Variants in FOXF1 observed in about 807,000 individuals in gnomAD.
FOXF1 encodes the protein forkhead box F1.
Under a neutral mutation model 26.6 loss-of-function variants are expected in FOXF1, and 9 were observed. The ratio of observed to expected loss-of-function variants is 0.34; its 90% CI spans 0.20 to 0.59. The LOEUF is 0.59. Among genes scored for constraint, FOXF1 ranks in the 20% least tolerant of loss-of-function variants. FOXF1 has a pLI of 0.83. For missense variants in FOXF1, 499 were observed against 549.9 expected (o/e 0.91, Z 0.93); for synonymous variants, 330 against 257.7 (o/e 1.28, Z -2.69).
chr16:86,511,420 A>G lies in FOXF1; in HGVS notation c.851A>G (p.Tyr284Cys). 1 of 1,594,140 alleles carries G rather than the reference A, an allele frequency of 6.3e-7. No individual in the cohort carries two copies. The highest frequency in any genetic ancestry group is 2.2e-5 in the East Asian group (1 of 44,662). The part of the protein sequence containing the change: ...ASAALNSGAS[Y>C]IKQQPLSPCN... ...GCGGCGCTCAACAGCGGCGCCTCTT[A>G]TATCAAGCAGCAGCCCCTGTCCCCC... is the stretch of plus-strand genomic sequence containing the variant. The change falls in exon 1 of 2, where the codon TAT becomes TGT. Residue 284 changes from tyrosine (Y) to cysteine (C), a missense_variant. Physicochemically the swap from Tyr to Cys is radical, Grantham distance 194. This residue lies in a region of FOXF1 where 367 missense variants were observed against 324.8 expected (regional missense o/e 1.13). Transcript: ENST00000262426.
At chr16:86,511,570 G>T in intron 1 of FOXF1, 22 bp downstream of exon 1, 1 of 1,568,308 alleles carries the variant, frequency 6.4e-7, no homozygotes, top group Non-Finnish European at 8.6e-7. Context: ...GGCCGAGGGC[G>T]CCCTGGTCCC....
rs927055364 is a variant in FOXF1, at chr16:86,510,941, C to G, written c.372C>G (p.Ile124Met). The change falls in exon 1 of 2, where the codon ATC becomes ATG. Residue 124 changes from isoleucine to methionine, a missense_variant. Coordinates refer to ENST00000262426, the MANE Select transcript of FOXF1 (RefSeq NM_001451.3). ...GRPGKGHYWTIDPASEFMFEE... is the reference protein window; with the variant it reads ...GRPGKGHYWTMDPASEFMFEE... The stretch of plus-strand genomic sequence containing the variant: ...CCGGCAAGGGCCACTACTGGACCAT[C>G]GACCCGGCCAGCGAGTTCATGTTCG... 1 of 1,613,660 alleles carries G rather than the reference C, an allele frequency of 6.2e-7. No individual in the cohort carries two copies. The highest frequency in any genetic ancestry group is 8.5e-7 in the Non-Finnish European group (1 of 1,180,032).
chr16:86,512,688 C>A (rs1302308172), intron 1 of FOXF1, among the ~76,000 whole-genome samples: 1 of 147,062 alleles, frequency 6.8e-6, no homozygotes, highest in Non-Finnish European at 1.5e-5. Flanking sequence ...GACAGGCACG[C>A]AGCAGGCAGG....
Position 86,510,539 on chromosome 16 carries a change from C to T in FOXF1, c.-31C>T, listed in dbSNP as rs1313678512. ...GCCCGTCCGCGGCGCAGAGCAGCGG[C>T]GGCAGCGGCGGCGGCGGCAGCAGCC... is the stretch of plus-strand genomic sequence containing the variant. On this transcript the variant is annotated 5_prime_UTR_variant, in exon 1 of 2. Transcript: ENST00000262426. The T allele has an allele frequency of 1.5e-6, 2 of 1,295,714 alleles. No homozygotes were observed. Among genetic ancestry groups the T allele is most frequent in the South Asian group, 2.4e-5 (1 of 42,038 alleles). The allele number at this position is 1,295,714 out of a possible 1,614,324, so 80.3% of individuals were successfully genotyped here.
Position 86,510,640 on chromosome 16 carries a change from C to A in FOXF1, c.71C>A (p.Ala24Glu). The change falls in exon 1 of 2, where the codon GCG becomes GAG. Residue 24 changes from alanine (A) to glutamate (E), a missense_variant. By Grantham distance (107) the Ala-to-Glu change is moderately radical. Around this residue, in one of 5 missense-constraint regions of FOXF1, gnomAD observed 76 missense variants for 78.9 expected, o/e 0.96. Transcript: ENST00000262426. The part of the protein sequence containing the change: ...GGGGGGGGGG[A>E]AMDPASSGPS... Reference sequence around the variant, plus strand: ...GGCGGCGGCGGCGGGGGAGGCGGCGCGGCCATGGACCCCGCGTCGTCCGGC... The same window carrying A: ...GGCGGCGGCGGCGGGGGAGGCGGCGAGGCCATGGACCCCGCGTCGTCCGGC... 6.9e-7 allele frequency: 1 copy of A among 1,449,030 alleles called. No homozygotes were observed. The highest frequency in any genetic ancestry group is 9.0e-7 in the Non-Finnish European group (1 of 1,110,180). The allele number at this position is 1,449,030 out of a possible 1,614,324, so 89.8% of individuals were successfully genotyped here.
intron 1 of FOXF1, among the ~76,000 whole-genome samples, chr16:86,512,544 C>T (rs758825211): frequency 6.6e-6 from 1 of 152,244 alleles, no homozygotes; most frequent in Non-Finnish European, 1.5e-5. Context: ...GCAGTCGTAG[C>T]CTCTGAGGTT....
In FOXF1 at chr16:86,513,508, C is replaced by T; in HGVS notation, c.*423C>T. The T allele has an allele frequency of 5.6e-6, 1 of 179,154 alleles. No homozygotes were observed. Among genetic ancestry groups the T allele is most frequent in the East Asian group, 1.6e-4 (1 of 6,400 alleles). The allele number at this position is 179,154 out of a possible 1,614,324, so 11.1% of individuals were successfully genotyped here. A position where few individuals can be genotyped will look rare whatever the true frequency, so the allele number is the denominator to read the frequency against. On this transcript the variant is annotated 3_prime_UTR_variant, in exon 2 of 2. Transcript: ENST00000262426. Reference sequence around the variant, plus strand: ...ATGTGAGACCAATCATTATCAAATACTTTTATTTTTTGGTTGAGTATTTAT... The same window carrying T: ...ATGTGAGACCAATCATTATCAAATATTTTTATTTTTTGGTTGAGTATTTAT...
rs763931836 is a variant in FOXF1, at chr16:86,513,001, G to A, written c.1056G>A (p.Ala352=). Residue 352 remains alanine (A), a synonymous_variant, in exon 2 of 2, where the codon GCG becomes GCA. Coordinates refer to ENST00000262426, the MANE Select transcript of FOXF1 (RefSeq NM_001451.3). ...TTGTCTTCTCTTTCAACGCCATGGC[G>A]TCCTCTTCCATGCACTCGGCCGGCG... The part of the protein sequence containing the change: ...KEFVFSFNAM[A]SSSMHSAGGG... The A allele has an allele frequency of 6.8e-6, 11 of 1,613,946 alleles. No homozygotes were observed. The highest frequency in any genetic ancestry group is 2.2e-5 in the South Asian group (2 of 91,088).
chr16:86,511,638 GTGGTCGGA>G, intron 1 of FOXF1, 90 bp downstream of exon 1: 6 of 1,528,376 alleles, frequency 3.9e-6, no homozygotes, highest in Non-Finnish European at 5.3e-6. Context: ...CTCCACTTCT[GTGGTCGGA>G]ACCCCAAGGC....
In FOXF1 at chr16:86,514,285, C is replaced by T. The variant is rs552093165; in HGVS notation, c.*1200C>T. 1 of 150,764 alleles carries T rather than the reference C, an allele frequency of 6.6e-6. No homozygotes were observed. The highest frequency in any genetic ancestry group is 1.9e-4 in the East Asian group (1 of 5,152). The allele number at this position is 150,764 out of a possible 1,614,324, so 9.3% of individuals were successfully genotyped here. On this transcript the variant is annotated 3_prime_UTR_variant, in exon 2 of 2. Coordinates refer to ENST00000262426, the MANE Select transcript of FOXF1 (RefSeq NM_001451.3). ...TTGTATTTTGGCTGCTAGAGTGCAG[C>T]ATTTGTGACACGTATTTGAAATTTG...
chr16:86,512,825 C>T (rs540294538), intron 1 of FOXF1, 100 bp from the exon 2 acceptor site: 1 of 1,407,404 alleles, frequency 7.1e-7, no homozygotes, highest in Non-Finnish European at 1.0e-6. Flanking sequence ...GCTGACAGGC[C>T]CTGTGCGCCC....
chr16:86,511,699 C>A, intron 1 of FOXF1, 151 bp downstream of exon 1: 1 of 1,126,476 alleles, frequency 8.9e-7, no homozygotes. Flanking sequence ...TTGGCCCCAC[C>A]TCTCCCCCTT....
Position 86,510,560 on chromosome 16 carries a change from C to T in FOXF1, c.-10C>T. ...GCGGCGGCAGCGGCGGCGGCGGCAG[C>T]AGCCACCCGATGTCTTCGGCGCCCG... is the stretch of plus-strand genomic sequence containing the variant. On this transcript the variant is annotated 5_prime_UTR_variant, in exon 1 of 2. Transcript: ENST00000262426. 2 of 1,321,546 alleles carry T rather than the reference C, an allele frequency of 1.5e-6. No homozygotes were observed. Among genetic ancestry groups the T allele is most frequent in the Non-Finnish European group, 1.9e-6 (2 of 1,040,064 alleles). The allele number at this position is 1,321,546 out of a possible 1,614,324, so 81.9% of individuals were successfully genotyped here. A position where few individuals can be genotyped will look rare whatever the true frequency, so the allele number is the denominator to read the frequency against.
At position 86,513,288 on chromosome 16, in the gene FOXF1, T is replaced by G. The variant is rs1023383664; in HGVS notation, c.*203T>G. 40 of 595,172 alleles carry G rather than the reference T, an allele frequency of 6.7e-5. No homozygotes were observed. The highest frequency in any genetic ancestry group is 4.5e-4 in the Middle Eastern group (1 of 2,230). 36.9% of individuals were successfully genotyped at this position (595,172 alleles called of 1,614,324 possible). On this transcript the variant is annotated 3_prime_UTR_variant, in exon 2 of 2. Transcript: ENST00000262426. ...CACCTCCTTCCTCACTCCTTCAAAATTGTTAAGAAATGTTAGTGGTGGGTC... is the reference window on the plus strand; with the variant it reads ...CACCTCCTTCCTCACTCCTTCAAAAGTGTTAAGAAATGTTAGTGGTGGGTC...
Position 86,510,644 on chromosome 16 carries a change from C to A in FOXF1, c.75C>A (p.Ala25=), listed in dbSNP as rs745492283. ...GGGGGGGGGA[A]MDPASSGPSK... ...GCGGCGGCGGGGGAGGCGGCGCGGC[C>A]ATGGACCCCGCGTCGTCCGGCCCGT... The change falls in exon 1 of 2, where the codon GCC becomes GCA. Residue 25 remains alanine (A), a synonymous_variant. Transcript: ENST00000262426. 6.3e-7 allele frequency: 1 copy of A among 1,585,424 alleles called. No homozygotes were observed. The highest frequency in any genetic ancestry group is 1.1e-5 in the South Asian group (1 of 87,746).
chr16:86,512,871 C>T (rs1969589359), intron 1 of FOXF1, 54 bp from the exon 2 acceptor site: 4 of 1,608,566 alleles, frequency 2.5e-6, no homozygotes, highest in South Asian at 1.1e-5. Flanking sequence ...AACTCTGAGC[C>T]ACCGTGGCTA....
chr16:86,514,791 G>A lies in FOXF1; in HGVS notation c.*1706G>A, dbSNP rs1325124759. The A allele has an allele frequency of 2.0e-5, 3 of 151,818 alleles. No individual in the cohort carries two copies. The highest frequency in any genetic ancestry group is 2.9e-5 in the Non-Finnish European group (2 of 67,986). The allele number at this position is 151,818 out of a possible 1,614,324, so 9.4% of individuals were successfully genotyped here. A position where few individuals can be genotyped will look rare whatever the true frequency, so the allele number is the denominator to read the frequency against. ...AGGGAACACCAATTAAACCATATAT[G>A]TGCACATACATATGGATATACATAT... On this transcript the variant is annotated 3_prime_UTR_variant, in exon 2 of 2. Transcript: ENST00000262426.
Position 86,513,239 on chromosome 16 carries a change from G to C in FOXF1, c.*154G>C. 1 of 707,180 alleles carries C rather than the reference G, an allele frequency of 1.4e-6. No individual in the cohort carries two copies. 43.8% of individuals were successfully genotyped at this position (707,180 alleles called of 1,614,324 possible). On this transcript the variant is annotated 3_prime_UTR_variant, in exon 2 of 2. Transcript: ENST00000262426. ...GAGTTTTTGGCAAGGAGTCCCCAAT[G>C]CAAAGACACAGCGCTGCGGTTGGCA... is the stretch of plus-strand genomic sequence containing the variant.
chr16:86,514,726 G>C lies in FOXF1; in HGVS notation c.*1641G>C, dbSNP rs897202450. 6.6e-6 allele frequency: 1 copy of C among 152,056 alleles called. No individual in the cohort carries two copies. The highest frequency in any genetic ancestry group is 2.4e-5 in the African/African-American group (1 of 41,394). 9.4% of individuals were successfully genotyped at this position (152,056 alleles called of 1,614,324 possible). ...TCTAAATGTCATTGATCGTTTTAAA[G>C]AAATAAACTTTTAAAGAACACTATA... On this transcript the variant is annotated 3_prime_UTR_variant, in exon 2 of 2. Transcript: ENST00000262426.
Sources: allele counts gnomAD v4.1 joint callset (sites outside exome capture counted in the v4.1 genomes callset), GRCh38; gene constraint gnomAD v4.1.1; regional missense constraint gnomAD v4.1.1; transcripts MANE v1.5; gene names NCBI Gene and HGNC (gene_info 2026-07-23, HGNC 2026-07-21).